Variants in CRPPA observed in about 807,000 individuals in gnomAD.
CRPPA encodes D-ribitol-5-phosphate cytidylyltransferase.
In CRPPA, 43 loss-of-function variants were observed where a neutral mutation model predicts 52.0. The observed-to-expected ratio is 0.83, with a 90% CI of 0.65 to 1.07. The LOEUF (loss-of-function observed/expected upper bound fraction) is 1.07. Among genes scored for constraint, CRPPA ranks in the 50% least tolerant of loss-of-function variants. The probability of loss-of-function intolerance (pLI) is 0.00; values close to 1 mark genes in which losing one functional copy is unlikely to be tolerated. For missense variants in CRPPA, 629 were observed against 551.7 expected, an observed-to-expected ratio of 1.14 and a Z score of -1.40; for synonymous variants, 250 against 203.5, an observed-to-expected ratio of 1.23 and a Z score of -1.94.
At chr7:16,203,288 T>A (rs1781897765) in intron 9 of CRPPA, among the ~76,000 whole-genome samples, 2 of 152,166 alleles carry the variant, frequency 1.3e-5, no homozygotes, top group Admixed American at 1.3e-4. Flanking sequence ...CTGTGGGGAA[T>A]GTGCCCCACC....
chr7:16,215,257 C>A (rs1401000817), intron 9 of CRPPA, among the ~76,000 whole-genome samples: 1 of 152,072 alleles, frequency 6.6e-6, no homozygotes. Context: ...AGCAGTGGAC[C>A]GTTCAACTTG....
chr7:16,381,956 CTG>C (rs1240394589), intron 2 of CRPPA, among the ~76,000 whole-genome samples: 1 of 152,020 alleles, frequency 6.6e-6, no homozygotes, highest in African/African-American at 2.4e-5. Context: ...ATTTGCCAGT[CTG>C]TGTCTTTTAA....
chr7:16,088,202 T>C lies in CRPPA; in HGVS notation c.*3493A>G, dbSNP rs567618934. 6.6e-6 allele frequency: 1 copy of C among 152,312 alleles called. No individual in the cohort carries two copies. Among genetic ancestry groups the C allele is most frequent in the South Asian group, 2.1e-4 (1 of 4,830 alleles). The allele number at this position is 152,312 out of a possible 1,614,324, so 9.4% of individuals were successfully genotyped here. A position where few individuals can be genotyped will look rare whatever the true frequency, so the allele number is the denominator to read the frequency against. ...ACTCCTAAGACGACTAACTTTAATTTGCATTTAACTAACTAGCGTAAGTTT... is the reference window on the plus strand; with the variant it reads ...ACTCCTAAGACGACTAACTTTAATTCGCATTTAACTAACTAGCGTAAGTTT... On this transcript the variant is annotated 3_prime_UTR_variant, in exon 10 of 10. Transcript: ENST00000407010.
chr7:16,391,471 A>G (rs760624017), intron 2 of CRPPA, among the ~76,000 whole-genome samples: 2 of 152,176 alleles, frequency 1.3e-5, no homozygotes, highest in Admixed American at 1.3e-4. Context: ...TTCTTCACAA[A>G]GCAATAGAAC....
chr7:16,241,970 T>TTTTTTTTTTC (rs1241010922), intron 8 of CRPPA, among the ~76,000 whole-genome samples: 1 of 104,896 alleles, frequency 9.5e-6, no homozygotes, highest in Non-Finnish European at 1.9e-5. Context: ...TTTTTTTTTG[T>TTTTTTTTTTC]TGGGGGGAGA....
At chr7:16,117,501 A>C (rs1221574474) in intron 9 of CRPPA, among the ~76,000 whole-genome samples, 1 of 152,206 alleles carries the variant, frequency 6.6e-6, no homozygotes, top group African/African-American at 2.4e-5. Context: ...GGAAGGATGG[A>C]AGAGCAAGCC....
At chr7:16,303,793 C>CTTTG (rs1449021679) in intron 4 of CRPPA, among the ~76,000 whole-genome samples, 2 of 152,214 alleles carry the variant, frequency 1.3e-5, no homozygotes, top group Non-Finnish European at 2.9e-5. Flanking sequence ...ATAGAGACTA[C>CTTTG]TTTGTTTCTT....
intron 8 of CRPPA, among the ~76,000 whole-genome samples, chr7:16,251,306 TAGAC>T (rs1783442630): frequency 6.6e-6 from 1 of 152,094 alleles, no homozygotes; most frequent in African/African-American, 2.4e-5. Flanking sequence ...CTGTCAATAT[TAGAC>T]AGTTCAACGA....
At chr7:16,111,920 C>T (rs1782272577) in intron 9 of CRPPA, among the ~76,000 whole-genome samples, 1 of 152,064 alleles carries the variant, frequency 6.6e-6, no homozygotes, top group African/African-American at 2.4e-5. Flanking sequence ...AATGTTCTCA[C>T]CACAAAAAAT....
intron 3 of CRPPA, among the ~76,000 whole-genome samples, chr7:16,366,647 G>A (rs12699786): frequency 0.2 from 30,141 of 151,632 alleles, 3,144 homozygotes; most frequent in South Asian, 0.41. Context: ...TATACTCAAA[G>A]AAGATCCCAG....
intron 9 of CRPPA, among the ~76,000 whole-genome samples, chr7:16,155,704 T>A (rs1399851407): frequency 6.6e-6 from 1 of 152,236 alleles, no homozygotes; most frequent in African/African-American, 2.4e-5. Flanking sequence ...GTTTGTGTTA[T>A]CGATAAGGCT....
chr7:16,267,803 G>A (rs1463170326), intron 6 of CRPPA, among the ~76,000 whole-genome samples: 1 of 151,930 alleles, frequency 6.6e-6, no homozygotes. Context: ...TTAAGGATTC[G>A]AGCGTGGGTC....
intron 9 of CRPPA, among the ~76,000 whole-genome samples, chr7:16,189,210 C>A (rs1388314472): frequency 6.6e-6 from 1 of 152,082 alleles, no homozygotes; most frequent in African/African-American, 2.4e-5. Flanking sequence ...TATCTTACAA[C>A]CTTCATTGGC....
intron 8 of CRPPA, among the ~76,000 whole-genome samples, chr7:16,248,313 T>C (rs886101920): frequency 1.3e-5 from 2 of 152,142 alleles, no homozygotes; most frequent in African/African-American, 4.8e-5. Flanking sequence ...CAATCCAGCC[T>C]GGGCAAAAGA....
At chr7:16,314,592 G>A (rs912440550) in intron 3 of CRPPA, among the ~76,000 whole-genome samples, 4 of 151,938 alleles carry the variant, frequency 2.6e-5, no homozygotes, top group African/African-American at 7.2e-5. Context: ...TTTTTACAAG[G>A]CAGGTCTACT....
Position 16,091,697 on chromosome 7 carries a change from A to T in CRPPA, c.1354T>A (p.Ter452ArgextTer28), listed in dbSNP as rs186882839. ...SGLIGQLLIA* is the reference protein window; with the variant it reads ...SGLIGQLLIAR ...AAATAGGTAATTTTTTGTGTTCTTCATGCTATCAGAAGCTGACCAATGAGT... is the reference window on the plus strand; with the variant it reads ...AAATAGGTAATTTTTTGTGTTCTTCTTGCTATCAGAAGCTGACCAATGAGT... The change falls in exon 10 of 10, where the codon TGA becomes AGA. Residue 452 changes from the stop codon to arginine (R), a stop_lost. Transcript: ENST00000407010. 7 of 1,527,814 alleles carry T rather than the reference A, an allele frequency of 4.6e-6. No homozygotes were observed. The Admixed American group carries it at 1.2e-4, about 27-fold the overall frequency. 94.6% of individuals were successfully genotyped at this position (1,527,814 alleles called of 1,614,324 possible). A position where few individuals can be genotyped will look rare whatever the true frequency, so the allele number is the denominator to read the frequency against.
intron 8 of CRPPA, among the ~76,000 whole-genome samples, chr7:16,228,911 A>G (rs1782719487): frequency 6.6e-6 from 1 of 151,916 alleles, no homozygotes; most frequent in Non-Finnish European, 1.5e-5. Flanking sequence ...CCCTACAATT[A>G]TTGCATTGCA....
intron 8 of CRPPA, among the ~76,000 whole-genome samples, chr7:16,228,203 G>A (rs1341438828): frequency 6.6e-6 from 1 of 151,714 alleles, no homozygotes; most frequent in Non-Finnish European, 1.5e-5. Context: ...CCTCAACACG[G>A]TTTTGACTAT....
intron 3 of CRPPA, among the ~76,000 whole-genome samples, chr7:16,339,406 G>A (rs1317066780): frequency 6.6e-6 from 1 of 152,032 alleles, no homozygotes; most frequent in Non-Finnish European, 1.5e-5. Context: ...AAATCCATCA[G>A]TGTAACCTGT....
Sources: gnomAD v4.1 joint callset for allele counts (sites outside exome capture counted in the v4.1 genomes callset) on GRCh38, gnomAD v4.1.1 for gene constraint, MANE v1.5 for transcripts, NCBI Gene and HGNC (gene_info 2026-07-23, HGNC 2026-07-21) for gene names.